Variants in PDHX observed in about 807,000 individuals in gnomAD.
The protein encoded by PDHX is pyruvate dehydrogenase protein X component, mitochondrial.
PDHX carries 33 observed loss-of-function variants against 55.3 expected under a neutral mutation model. That is an observed-to-expected ratio of 0.60 (90% CI 0.45 to 0.80). PDHX has a LOEUF of 0.80. Ranked by LOEUF, PDHX falls within the 30% of genes least tolerant of loss-of-function variation. PDHX has a pLI of 0.00. For synonymous variants in PDHX, 226 were observed against 219.4 expected (o/e 1.03, Z -0.27); for missense variants, 622 against 619.9 (o/e 1.00, Z -0.04).
chr11:34,945,819 C>A (rs1168027726), intron 2 of PDHX, among the ~76,000 whole-genome samples: 1 of 152,108 alleles, frequency 6.6e-6, no homozygotes, highest in Non-Finnish European at 1.5e-5. Context: ...GTTACCACCA[C>A]CTAGATCAAG....
At position 34,984,806 on chromosome 11, in the gene PDHX, G is replaced by A. The variant is rs775091516; in HGVS notation, c.1182+78G>A. On this transcript the variant is annotated intron_variant, in intron 9 of 10. Transcript: ENST00000227868. The stretch of plus-strand genomic sequence containing the variant: ...AATTACTTTCTGATAAAGTTGTGAC[G>A]TAATCTAGTCAGACTGTGATTTTTG... 225 of 1,363,424 alleles carry A rather than the reference G, an allele frequency of 1.7e-4. 2 individuals carry two copies. The highest frequency in any genetic ancestry group is 5.4e-4 in the Middle Eastern group (3 of 5,506). 84.5% of individuals were successfully genotyped at this position (1,363,424 alleles called of 1,614,324 possible). A position where few individuals can be genotyped will look rare whatever the true frequency, so the allele number is the denominator to read the frequency against.
chr11:34,944,948 T>A (rs1376026535), intron 2 of PDHX, among the ~76,000 whole-genome samples: 1 of 152,178 alleles, frequency 6.6e-6, no homozygotes, highest in Non-Finnish European at 1.5e-5. Context: ...GCATTTTTGT[T>A]TTTATCCTTT....
At chr11:34,971,547 A>C (rs1855258553) in intron 7 of PDHX, among the ~76,000 whole-genome samples, 1 of 152,190 alleles carries the variant, frequency 6.6e-6, no homozygotes, top group South Asian at 2.1e-4. Context: ...TTTTCAGATA[A>C]CTTTTCCTTT....
At chr11:34,986,393 T>G (rs1012733082) in intron 9 of PDHX, among the ~76,000 whole-genome samples, 2 of 151,968 alleles carry the variant, frequency 1.3e-5, no homozygotes, top group African/African-American at 4.8e-5. Context: ...TGAGATATAG[T>G]ATGTTCCTTG....
chr11:34,945,828 A>G (rs1443758201), intron 2 of PDHX, among the ~76,000 whole-genome samples: 1 of 152,200 alleles, frequency 6.6e-6, no homozygotes, highest in East Asian at 1.9e-4. Context: ...ACCTAGATCA[A>G]GATTTAGAAC....
intron 5 of PDHX, among the ~76,000 whole-genome samples, chr11:34,965,560 G>A (rs540192959): frequency 6.6e-5 from 10 of 152,170 alleles, no homozygotes; most frequent in Admixed American, 5.2e-4. Context: ...TCACATAATA[G>A]GACCTAATAA....
intron 1 of PDHX, among the ~76,000 whole-genome samples, chr11:34,920,831 G>A (rs1416827499): frequency 6.6e-6 from 1 of 152,262 alleles, no homozygotes; most frequent in East Asian, 1.9e-4. Context: ...GTGTATATGT[G>A]TAAAGGAGGA....
intron 2 of PDHX, among the ~76,000 whole-genome samples, chr11:34,940,421 A>G (rs570270638): frequency 6.6e-6 from 1 of 152,312 alleles, no homozygotes; most frequent in Admixed American, 6.5e-5. Context: ...GGGTCTCTGG[A>G]TTCTACTATA....
chr11:34,995,290 A>G lies in PDHX; in HGVS notation c.*118A>G. Reference sequence around the variant, plus strand: ...TATGAAGTGGATGAAATGTTTATTTATTTAAGGTGAAAGCATTTGACCCAG... The same window carrying G: ...TATGAAGTGGATGAAATGTTTATTTGTTTAAGGTGAAAGCATTTGACCCAG... On this transcript the variant is annotated 3_prime_UTR_variant, in exon 11 of 11. Coordinates refer to ENST00000227868, the MANE Select transcript of PDHX (RefSeq NM_003477.3). The G allele has an allele frequency of 8.6e-7, 1 of 1,164,012 alleles. No individual in the cohort carries two copies. The highest frequency in any genetic ancestry group is 2.4e-5 in the East Asian group (1 of 42,302). 72.1% of individuals were successfully genotyped at this position (1,164,012 alleles called of 1,614,324 possible). A position where few individuals can be genotyped will look rare whatever the true frequency, so the allele number is the denominator to read the frequency against.
intron 8 of PDHX, among the ~76,000 whole-genome samples, chr11:34,979,062 T>C (rs985812366): frequency 1.3e-5 from 2 of 151,578 alleles, no homozygotes; most frequent in Non-Finnish European, 2.9e-5. Flanking sequence ...GGAGCTAGGG[T>C]GAAGTGGAGA....
intron 1 of PDHX, among the ~76,000 whole-genome samples, chr11:34,920,195 G>A (rs1433694468): frequency 6.6e-6 from 1 of 152,212 alleles, no homozygotes; most frequent in Admixed American, 6.5e-5. Context: ...ACTTCAGAGA[G>A]TTTAAATTGT....
chr11:34,959,480 CTTG>C (rs1228750076), intron 4 of PDHX, among the ~76,000 whole-genome samples: 3 of 152,022 alleles, frequency 2.0e-5, no homozygotes, highest in South Asian at 2.1e-4. Flanking sequence ...ATTTGGAACC[CTTG>C]TTGTTGCCTA....
chr11:34,964,379 G>C (rs374451504), intron 5 of PDHX, among the ~76,000 whole-genome samples: 1 of 152,122 alleles, frequency 6.6e-6, no homozygotes, highest in Admixed American at 6.6e-5. Context: ...CAAGGCTGGC[G>C]AATCACTTGA....
At chr11:34,932,065 G>T (rs1854190128) in intron 2 of PDHX, among the ~76,000 whole-genome samples, 1 of 151,974 alleles carries the variant, frequency 6.6e-6, no homozygotes, top group Admixed American at 6.6e-5. Context: ...AGATGCAGTT[G>T]CACATGGAAT....
At chr11:34,991,984 A>T (rs1388457724) in intron 9 of PDHX, among the ~76,000 whole-genome samples, 1 of 151,832 alleles carries the variant, frequency 6.6e-6, no homozygotes, top group Non-Finnish European at 1.5e-5. Context: ...CTTACCATAA[A>T]GTTTTATAGG....
chr11:34,931,936 G>A (rs1182384414), intron 2 of PDHX, among the ~76,000 whole-genome samples: 1 of 151,924 alleles, frequency 6.6e-6, no homozygotes, highest in Non-Finnish European at 1.5e-5. Flanking sequence ...AAGCAGATCA[G>A]CGGAGGAGGG....
At chr11:34,942,524 T>TAGG (rs1344052138) in intron 2 of PDHX, among the ~76,000 whole-genome samples, 1 of 152,188 alleles carries the variant, frequency 6.6e-6, no homozygotes, top group East Asian at 1.9e-4. Context: ...ATATTTGAAT[T>TAGG]AGGAGAGGTT....
At chr11:34,938,984 G>C (rs1293202657) in intron 2 of PDHX, among the ~76,000 whole-genome samples, 1 of 152,162 alleles carries the variant, frequency 6.6e-6, no homozygotes, top group Non-Finnish European at 1.5e-5. Context: ...GGTTCTTAGT[G>C]GTTCACTGGC....
intron 9 of PDHX, 170 bp downstream of exon 9, chr11:34,984,898 A>G (rs1855607646): frequency 4.6e-6 from 3 of 648,368 alleles, no homozygotes; most frequent in Non-Finnish European, 8.0e-6. Flanking sequence ...TAAAGTTTTT[A>G]TCCAAGTATG....
Sources: allele counts gnomAD v4.1 joint callset (sites outside exome capture counted in the v4.1 genomes callset), GRCh38; gene constraint gnomAD v4.1.1; transcripts MANE v1.5; gene names NCBI Gene and HGNC (gene_info 2026-07-23, HGNC 2026-07-21).